Variants in CHIC1 observed in about 807,000 individuals in gnomAD.
CHIC1 encodes the protein cysteine rich hydrophobic domain 1, also known as cysteine-rich hydrophobic domain-containing protein 1.
In CHIC1, 7 loss-of-function variants were observed where a neutral mutation model predicts 18.5. That is an observed-to-expected ratio of 0.38 (90% confidence interval 0.22 to 0.71). The LOEUF is 0.71. Ranked by LOEUF, CHIC1 falls within the 30% of genes least tolerant of loss-of-function variation. The probability of loss-of-function intolerance (pLI) is 0.49; values close to 1 mark genes in which losing one functional copy is unlikely to be tolerated. For synonymous variants in CHIC1, 77 were observed against 73.5 expected (o/e 1.05, Z -0.25); for missense variants, 159 against 176.9 (o/e 0.90, Z 0.57).
At chrX:73,606,469 T>C (rs936775706) in intron 3 of CHIC1, among the ~76,000 whole-genome samples, 1 of 107,787 alleles carries the variant, frequency 9.3e-6, no homozygotes, top group Non-Finnish European at 1.9e-5. Context: ...ACCCACCTTC[T>C]GAAGCCTAGT....
At chrX:73,656,034 T>G (rs112334935) in intron 3 of CHIC1, among the ~76,000 whole-genome samples, 1 of 255 alleles carries the variant, frequency 3.9e-3, no homozygotes, top group Non-Finnish European at 0.024. Context: ...TCTCATTGTA[T>G]TTTGATTTGC....
intron 3 of CHIC1, among the ~76,000 whole-genome samples, chrX:73,590,881 A>G (rs1170839803): frequency 1.8e-5 from 2 of 111,504 alleles, no homozygotes; most frequent in South Asian, 3.7e-4. Flanking sequence ...GTTACTTCCA[A>G]GGTTTCACAA....
At chrX:73,667,321 C>A (rs2058009004) in intron 3 of CHIC1, among the ~76,000 whole-genome samples, 1 of 111,581 alleles carries the variant, frequency 9.0e-6, no homozygotes, top group Non-Finnish European at 1.9e-5. Context: ...ATTCTGTGTC[C>A]TTTAATTGGG....
chrX:73,645,901 T>C (rs887861506), intron 3 of CHIC1, among the ~76,000 whole-genome samples: 1 of 111,972 alleles, frequency 8.9e-6, no homozygotes, highest in African/African-American at 3.2e-5. Flanking sequence ...AATAGTTTCA[T>C]GCAGTCCTGT....
At chrX:73,680,217 A>G (rs1364057528) in intron 5 of CHIC1, among the ~76,000 whole-genome samples, 1 of 110,095 alleles carries the variant, frequency 9.1e-6, no homozygotes, top group Non-Finnish European at 1.9e-5. Context: ...CATATAGCCA[A>G]TGTGATCAAT....
intron 3 of CHIC1, among the ~76,000 whole-genome samples, chrX:73,671,081 G>T (rs1195515543): frequency 1.8e-5 from 2 of 111,847 alleles, no homozygotes; most frequent in African/African-American, 6.5e-5. Context: ...GTTTTATAGT[G>T]CAGTTTAAGT....
intron 3 of CHIC1, among the ~76,000 whole-genome samples, chrX:73,594,657 G>A (rs1054392017): frequency 8.9e-6 from 1 of 111,780 alleles, no homozygotes; most frequent in African/African-American, 3.3e-5. Context: ...GGAGCCCTCA[G>A]TTACATTTAT....
chrX:73,642,997 G>A lies in CHIC1; in HGVS notation c.508-36329G>A, dbSNP rs192319543. ...TCTTTTGGCTTAGGATTGACTTGGCGTTGCAGGCCGGTTGTTCCTTTCCAT... is the reference window on the plus strand; with the variant it reads ...TCTTTTGGCTTAGGATTGACTTGGCATTGCAGGCCGGTTGTTCCTTTCCAT... On this transcript the variant is annotated intron_variant, in intron 3 of 5. Coordinates refer to ENST00000373502, the MANE Select transcript of CHIC1 (RefSeq NM_001039840.4). 8.8e-3 allele frequency among the ~76,000 whole-genome samples: 983 copies of A among 111,606 alleles called. 5 individuals carry two copies. The highest frequency in any genetic ancestry group is 0.031 in the African/African-American group (948 of 30,743).
rs1288278442 is a variant in CHIC1 at position 73,686,258 on chromosome X, G to C, written c.*5253G>C. 2 of 111,180 alleles carry C rather than the reference G, an allele frequency of 1.8e-5. No homozygotes were observed. Among genetic ancestry groups the C allele is most frequent in the East Asian group, 5.7e-4 (2 of 3,529 alleles). 9.2% of individuals were successfully genotyped at this position (111,180 alleles called of 1,213,427 possible). A position where few individuals can be genotyped will look rare whatever the true frequency, so the allele number is the denominator to read the frequency against. ...ACCCCCTCCACAGATTGCTTACCTA[G>C]TCTCTAAATAATGAAATGTGTGTGT... On this transcript the variant is annotated 3_prime_UTR_variant, in exon 6 of 6. Coordinates refer to ENST00000373502, the MANE Select transcript of CHIC1 (RefSeq NM_001039840.4).
chrX:73,657,733 G>A (rs1414646564), intron 3 of CHIC1, among the ~76,000 whole-genome samples: 1 of 111,626 alleles, frequency 9.0e-6, no homozygotes, highest in Non-Finnish European at 1.9e-5. Flanking sequence ...TGCTCATTCA[G>A]TATGATATTG....
chrX:73,612,605 T>A (rs112422542), intron 3 of CHIC1, among the ~76,000 whole-genome samples: 1,639 of 111,965 alleles, frequency 0.015, 31 homozygotes, highest in African/African-American at 0.05. Context: ...TTCCATGTAT[T>A]TGCAGAGTTT....
chrX:73,641,314 T>C (rs2057855003), intron 3 of CHIC1, among the ~76,000 whole-genome samples: 1 of 110,864 alleles, frequency 9.0e-6, no homozygotes, highest in African/African-American at 3.3e-5. Context: ...TGTCGCATTG[T>C]TTTGGAGTGA....
At chrX:73,569,605 T>C (rs764025405) in intron 1 of CHIC1, among the ~76,000 whole-genome samples, 1 of 111,618 alleles carries the variant, frequency 9.0e-6, no homozygotes, top group Non-Finnish European at 1.9e-5. Flanking sequence ...TTGTCTAGCC[T>C]CTCTGGACTC....
At chrX:73,677,135 C>G (rs1014061778) in intron 3 of CHIC1, among the ~76,000 whole-genome samples, 4 of 111,631 alleles carry the variant, frequency 3.6e-5, no homozygotes, top group Non-Finnish European at 7.5e-5. Flanking sequence ...GGTGTCAGTT[C>G]GCCCCTACTG....
chrX:73,678,082 G>A (rs2058079034), intron 3 of CHIC1, among the ~76,000 whole-genome samples: 1 of 109,213 alleles, frequency 9.2e-6, no homozygotes, highest in Non-Finnish European at 1.9e-5. Flanking sequence ...CATAGAGAAC[G>A]AGTTTTTCCT....
At chrX:73,672,646 A>G (rs185960840) in intron 3 of CHIC1, among the ~76,000 whole-genome samples, 2 of 111,673 alleles carry the variant, frequency 1.8e-5, no homozygotes, top group South Asian at 3.7e-4. Context: ...TTTGAGTTCA[A>G]TGTAGATTCT....
Position 73,655,611 on chromosome X carries a change from A to AGT in CHIC1, c.508-23708_508-23707dup, listed in dbSNP as rs1434380284. Among the ~76,000 whole-genome samples, 164 of 75,301 alleles carry AGT rather than the reference A, an allele frequency of 2.2e-3. 8 individuals are homozygous for AGT. The highest frequency in any genetic ancestry group is 7.9e-3 in the African/African-American group (158 of 20,107). The allele number at this position is 75,301 out of a possible 115,157, so 65.4% of individuals were successfully genotyped here. A position where few individuals can be genotyped will look rare whatever the true frequency, so the allele number is the denominator to read the frequency against. ...TATATATACAATATTGTGTATATAT[A>AGT]GTGTGTGTATATATATATATAGTGT... is the stretch of plus-strand genomic sequence containing the variant. On this transcript the variant is annotated intron_variant, in intron 3 of 5. Coordinates refer to ENST00000373502, the MANE Select transcript of CHIC1 (RefSeq NM_001039840.4).
At chrX:73,638,122 C>T (rs1343851417) in intron 3 of CHIC1, among the ~76,000 whole-genome samples, 1 of 111,773 alleles carries the variant, frequency 8.9e-6, no homozygotes, top group Non-Finnish European at 1.9e-5. Context: ...GTGGCTTTCT[C>T]AATTCCCCGT....
chrX:73,649,291 C>G (rs912219726), intron 3 of CHIC1, among the ~76,000 whole-genome samples: 4 of 111,562 alleles, frequency 3.6e-5, no homozygotes, highest in Non-Finnish European at 7.5e-5. Flanking sequence ...ACTGCATCAA[C>G]TAGTGCGCAA....
Sources: allele counts gnomAD v4.1 joint callset (sites outside exome capture counted in the v4.1 genomes callset), GRCh38; gene constraint gnomAD v4.1.1; transcripts MANE v1.5; gene names NCBI Gene and HGNC (gene_info 2026-07-23, HGNC 2026-07-21).